ZNF385D: variants seen among roughly 807,000 people sequenced by gnomAD.
ZNF385D encodes zinc finger protein 385D.
In ZNF385D, 15 loss-of-function variants were observed where a neutral mutation model predicts 35.8. That is an observed-to-expected ratio of 0.42 (90% CI 0.28 to 0.64). ZNF385D has a LOEUF of 0.64. Ranked by LOEUF, ZNF385D falls within the 30% of genes least tolerant of loss-of-function variation. ZNF385D has a pLI of 0.23. For synonymous variants in ZNF385D, 212 were observed against 186.8 expected (o/e 1.13, Z -1.10); for missense variants, 474 against 494.6 (o/e 0.96, Z 0.39).
At chr3:21,985,069 G>C (rs1465673861) in intron 3 of ZNF385D, among the ~76,000 whole-genome samples, 1 of 144,036 alleles carries the variant, frequency 6.9e-6, no homozygotes, top group African/African-American at 2.5e-5. Flanking sequence ...ATTTTGGGCT[G>C]AGACAATGGG....
At chr3:21,739,283 G>A (rs532664165) in intron 1 of ZNF385D, among the ~76,000 whole-genome samples, 2 of 152,318 alleles carry the variant, frequency 1.3e-5, no homozygotes, top group East Asian at 3.9e-4. Context: ...CTTGTGCCAG[G>A]CTCTGTGCTA....
chr3:21,788,730 C>A (rs557292748), intron 3 of ZNF385D, among the ~76,000 whole-genome samples: 1 of 152,314 alleles, frequency 6.6e-6, no homozygotes, highest in South Asian at 2.1e-4. Flanking sequence ...CTCTTCCTCT[C>A]CACTGTAAGA....
At chr3:21,751,249 C>T, upstream of ZNF385D, 1 of 1,146,436 alleles carries the variant, frequency 8.7e-7, no homozygotes, top group Non-Finnish European at 1.1e-6. Context: ...CCACCCCACC[C>T]CACCCTGGGT....
intron 2 of ZNF385D, among the ~76,000 whole-genome samples, chr3:22,313,704 G>C (rs951940985): frequency 3.9e-5 from 6 of 152,158 alleles, no homozygotes; most frequent in Non-Finnish European, 5.9e-5. Flanking sequence ...AGATAGGGCA[G>C]AGTCAGAATA....
intron 3 of ZNF385D, among the ~76,000 whole-genome samples, chr3:21,798,513 G>C (rs568617850): frequency 4.6e-5 from 7 of 152,184 alleles, no homozygotes; most frequent in Non-Finnish European, 7.3e-5. Context: ...AGCAGGGGAA[G>C]CGTCTGCTGC....
At chr3:21,856,424 C>G (rs535032138) in intron 3 of ZNF385D, among the ~76,000 whole-genome samples, 10 of 152,198 alleles carry the variant, frequency 6.6e-5, no homozygotes, top group African/African-American at 2.2e-4. Context: ...TCAGACTCAA[C>G]TGCCTCTAGG....
At chr3:21,878,165 A>G (rs1423664710) in intron 3 of ZNF385D, 1 of 151,998 alleles carries the variant, frequency 6.6e-6, no homozygotes, top group Non-Finnish European at 1.5e-5. Flanking sequence ...CTTCCTGAGG[A>G]GATATTATTA....
intron 4 of ZNF385D, among the ~76,000 whole-genome samples, chr3:21,482,702 TG>T (rs1704723251): frequency 6.6e-6 from 1 of 152,182 alleles, no homozygotes; most frequent in African/African-American, 2.4e-5. Flanking sequence ...CCAACTCAAA[TG>T]TAAGGCTTTG....
chr3:21,535,252 C>A (rs905110321), intron 3 of ZNF385D, among the ~76,000 whole-genome samples: 2 of 152,068 alleles, frequency 1.3e-5, no homozygotes, highest in Non-Finnish European at 2.9e-5. Context: ...AAGCCTTTTT[C>A]TTTTTCCTTT....
intron 3 of ZNF385D, among the ~76,000 whole-genome samples, chr3:22,066,814 C>A (rs1203319456): frequency 1.3e-5 from 2 of 151,950 alleles, no homozygotes; most frequent in East Asian, 3.9e-4. Flanking sequence ...AGAGAGTAAG[C>A]CACATGAAAA....
At chr3:22,356,421 G>A (rs1419891216) in intron 2 of ZNF385D, among the ~76,000 whole-genome samples, 1 of 151,848 alleles carries the variant, frequency 6.6e-6, no homozygotes. Flanking sequence ...TATTTGAAGT[G>A]GGGCAGCAAA....
chr3:22,307,666 G>C (rs944891740), intron 2 of ZNF385D, among the ~76,000 whole-genome samples: 1 of 151,322 alleles, frequency 6.6e-6, no homozygotes, highest in African/African-American at 2.4e-5. Context: ...CTAGTGGCAA[G>C]AGGTAAGATA....
chr3:22,017,687 G>A (rs543687964), intron 3 of ZNF385D, among the ~76,000 whole-genome samples: 1 of 151,816 alleles, frequency 6.6e-6, no homozygotes, highest in African/African-American at 2.4e-5. Flanking sequence ...GAATTGTAAA[G>A]TGGTTCACTT....
intron 4 of ZNF385D, among the ~76,000 whole-genome samples, chr3:21,504,109 C>G (rs941214211): frequency 2.0e-5 from 3 of 152,042 alleles, no homozygotes; most frequent in Non-Finnish European, 4.4e-5. Flanking sequence ...TGTAATAGAA[C>G]CAGGGAGAAA....
In ZNF385D at chr3:21,419,983, C is replaced by T. The variant is rs1700668123; in HGVS notation, c.*1231G>A. ...ACAACTCCACTGGAGAAATAATTGT[C>T]GAGTGGAACTTACCAGTATTTTTTA... On this transcript the variant is annotated 3_prime_UTR_variant, in exon 8 of 8. Coordinates refer to ENST00000281523, the MANE Select transcript of ZNF385D (RefSeq NM_024697.3). 6.6e-6 allele frequency: 1 copy of T among 151,958 alleles called. No homozygotes were observed. Among genetic ancestry groups the T allele is most frequent in the Non-Finnish European group, 1.5e-5 (1 of 67,996 alleles). 9.4% of individuals were successfully genotyped at this position (151,958 alleles called of 1,614,324 possible).
At chr3:21,945,870 T>A (rs941913975) in intron 3 of ZNF385D, among the ~76,000 whole-genome samples, 6 of 152,222 alleles carry the variant, frequency 3.9e-5, no homozygotes, top group African/African-American at 1.4e-4. Flanking sequence ...TTATGCTTCA[T>A]TTCCTCTTTG....
chr3:22,018,092 G>A, intron 3 of ZNF385D, among the ~76,000 whole-genome samples: 1 of 151,538 alleles, frequency 6.6e-6, no homozygotes, highest in South Asian at 2.1e-4. Flanking sequence ...GGCTTGATAA[G>A]AATTGGACTG....
chr3:22,333,769 G>T (rs896586952), intron 2 of ZNF385D, among the ~76,000 whole-genome samples: 2 of 152,166 alleles, frequency 1.3e-5, no homozygotes, highest in Non-Finnish European at 2.9e-5. Flanking sequence ...TAGACTAGAT[G>T]ATTTCTCCCC....
At position 21,804,417 on chromosome 3, in the gene ZNF385D, C is replaced by T. The variant is rs1005486684; in HGVS notation, c.326-139389G>A. Among the ~76,000 whole-genome samples the T allele has an allele frequency of 3.3e-5, 5 of 152,122 alleles. 1 individual carries two copies. The South Asian group carries it at 8.3e-4, about 25-fold the overall frequency. On this transcript the variant is annotated intron_variant, in intron 3 of 5. Transcript: ENST00000494108. ...AGTAACGTTTTCAAGAAATTAATCACGTGAAAAATTGAGTAAATATCACAA... is the reference window on the plus strand; with the variant it reads ...AGTAACGTTTTCAAGAAATTAATCATGTGAAAAATTGAGTAAATATCACAA...
Sources: gnomAD v4.1 joint callset for allele counts (sites outside exome capture counted in the v4.1 genomes callset) on GRCh38, gnomAD v4.1.1 for gene constraint, MANE v1.5 for transcripts, NCBI Gene and HGNC (gene_info 2026-07-23, HGNC 2026-07-21) for gene names.